CCDC68: variants seen among roughly 807,000 people sequenced by gnomAD.
The protein encoded by CCDC68 is coiled-coil domain-containing protein 68.
CCDC68 carries 45 observed loss-of-function variants against 47.1 expected under a neutral mutation model. That is an observed-to-expected ratio of 0.96 (90% CI 0.75 to 1.23). The LOEUF is 1.23. Among genes scored for constraint, CCDC68 ranks in the 50% most tolerant of loss-of-function variants. The probability of loss-of-function intolerance (pLI) is 0.00; values close to 1 mark genes in which losing one functional copy is unlikely to be tolerated. For synonymous variants in CCDC68, 131 were observed against 129.5 expected (o/e 1.01, Z -0.08); for missense variants, 353 against 373.6 (o/e 0.94, Z 0.45).
chr18:54,935,275 GA>G (rs2044325268), intron 6 of CCDC68, among the ~76,000 whole-genome samples: 1 of 151,794 alleles, frequency 6.6e-6, no homozygotes. Context: ...TTATTATCCA[GA>G]ACAAAAAAAA....
At position 54,921,007 on chromosome 18, in the gene CCDC68, T is replaced by C. The variant is rs927430365; in HGVS notation, c.684-1631A>G. 6.6e-5 allele frequency among the ~76,000 whole-genome samples: 10 copies of C among 152,212 alleles called. 1 individual carries two copies. The highest frequency in any genetic ancestry group is 1.3e-4 in the Non-Finnish European group (9 of 68,026). On this transcript the variant is annotated intron_variant, in intron 8 of 11. Coordinates refer to ENST00000591504, the MANE Select transcript of CCDC68 (RefSeq NM_025214.3). ...GTTATATATACACCATGGAATACTA[T>C]GCAGCCATAAAAAGGAATGAAATTG...
rs1599013151 is a variant in CCDC68 at position 54,903,483 on chromosome 18, C to A, written c.*875G>T. On this transcript the variant is annotated 3_prime_UTR_variant, in exon 12 of 12. Coordinates refer to ENST00000591504, the MANE Select transcript of CCDC68 (RefSeq NM_025214.3). ...TCAGATTCTTTCTGGCTGCAGACAGCAGTCATTATTCCTTTGAGCCTATAA... is the reference window on the plus strand; with the variant it reads ...TCAGATTCTTTCTGGCTGCAGACAGAAGTCATTATTCCTTTGAGCCTATAA... The A allele has an allele frequency of 6.6e-6, 1 of 152,210 alleles. No individual in the cohort carries two copies. The highest frequency in any genetic ancestry group is 2.4e-5 in the African/African-American group (1 of 41,452). 9.4% of individuals were successfully genotyped at this position (152,210 alleles called of 1,614,324 possible).
Position 54,917,962 on chromosome 18 carries a change from T to G in CCDC68, c.824A>C (p.Asp275Ala). 1 of 1,565,700 alleles carries G rather than the reference T, an allele frequency of 6.4e-7. No homozygotes were observed. Among genetic ancestry groups the G allele is most frequent in the Non-Finnish European group, 8.8e-7 (1 of 1,140,400 alleles). The stretch of plus-strand genomic sequence containing the variant: ...TTCTCTGAGATTTTCAATTCTTTTG[T>G]CTTGTTCTTTTAAATTATTTTTTAA... Reference protein sequence around the residue: ...EGLKNNLKEQDKRIENLREKV... With the variant: ...EGLKNNLKEQAKRIENLREKV... The change falls in exon 10 of 12, where the codon GAC (aspartate) becomes GCC (alanine). Residue 275 changes from aspartate (D) to alanine (A), a missense_variant. Transcript: ENST00000591504.
intron 8 of CCDC68, among the ~76,000 whole-genome samples, chr18:54,922,405 G>A (rs1248618374): frequency 6.6e-6 from 1 of 152,164 alleles, no homozygotes; most frequent in African/African-American, 2.4e-5. Context: ...AGTCCGGGGA[G>A]ATTGGGAGTG....
rs577512447 is a variant in CCDC68 at position 54,945,957 on chromosome 18, A to C, written c.-102-480T>G. On this transcript the variant is annotated intron_variant, in intron 1 of 11. Transcript: ENST00000591504. ...AGGGGTCAGCAAACCCCAGCCTGGG[A>C]GCTCAATCCAGTTTCCCTCCTGTTT... 1.2e-3 allele frequency among the ~76,000 whole-genome samples: 182 copies of C among 152,338 alleles called. 2 individuals carry two copies. Among genetic ancestry groups the C allele is most frequent in the Middle Eastern group, 0.01 (3 of 294 alleles).
chr18:54,943,225 G>T (rs562157887), intron 2 of CCDC68, among the ~76,000 whole-genome samples: 1 of 152,132 alleles, frequency 6.6e-6, no homozygotes, highest in African/African-American at 2.4e-5. Flanking sequence ...AGTCTGCAAA[G>T]CCTATTTACT....
chr18:54,942,156 T>C (rs185860387), intron 3 of CCDC68, among the ~76,000 whole-genome samples: 16 of 152,294 alleles, frequency 1.1e-4, no homozygotes, highest in Admixed American at 6.5e-4. Flanking sequence ...GTTAAGAATA[T>C]ATATTTCTGC....
rs190184150 is a variant in CCDC68, at chr18:54,935,068, A to T, written c.472-120T>A. 199 of 706,096 alleles carry T rather than the reference A, an allele frequency of 2.8e-4. 1 individual carries two copies. The African/African-American group carries it at 3.4e-3, about 12-fold the overall frequency. 43.7% of individuals were successfully genotyped at this position (706,096 alleles called of 1,614,324 possible). A position where few individuals can be genotyped will look rare whatever the true frequency, so the allele number is the denominator to read the frequency against. On this transcript the variant is annotated intron_variant, in intron 6 of 11. Transcript: ENST00000591504. ...AAATTCAGAATTCATACTTGTTTAG[A>T]ATTACTCTTTTGATTTCAGTGTTTA...
intron 1 of CCDC68, among the ~76,000 whole-genome samples, chr18:54,946,374 G>C (rs1263620174): frequency 3.3e-5 from 5 of 152,164 alleles, no homozygotes; most frequent in Non-Finnish European, 7.4e-5. Flanking sequence ...AGGAGTGGGG[G>C]CAGGACCAGT....
chr18:54,951,154 C>T (rs965721973), intron 1 of CCDC68, among the ~76,000 whole-genome samples: 1 of 151,358 alleles, frequency 6.6e-6, no homozygotes, highest in African/African-American at 2.4e-5. Flanking sequence ...GTGATCCGCC[C>T]GCCTCGGCCT....
rs150451042 is a variant in CCDC68 at position 54,927,845 on chromosome 18, C to T, written c.683+955G>A. On this transcript the variant is annotated intron_variant, in intron 8 of 11. Coordinates refer to ENST00000591504, the MANE Select transcript of CCDC68 (RefSeq NM_025214.3). Reference sequence around the variant, plus strand: ...ATATGTGGTCCAAAATGCAGGATTACAAGCCAGGCAGAAGGTACAACATAT... The same window carrying T: ...ATATGTGGTCCAAAATGCAGGATTATAAGCCAGGCAGAAGGTACAACATAT... Among the ~76,000 whole-genome samples, 713 of 152,108 alleles carry T rather than the reference C, an allele frequency of 4.7e-3. 9 individuals carry two copies. The highest frequency in any genetic ancestry group is 0.016 in the African/African-American group (675 of 41,474).
chr18:54,904,078 A>T lies in CCDC68; in HGVS notation c.*280T>A. On this transcript the variant is annotated 3_prime_UTR_variant, in exon 12 of 12. Transcript: ENST00000591504. ...GTAGAAAAAAAAATCTGAAAACAAG[A>T]TTCAGATTTTTTTTTTTTTTTAATT... 4.5e-6 allele frequency: 1 copy of T among 224,058 alleles called. No homozygotes were observed. Among genetic ancestry groups the T allele is most frequent in the Non-Finnish European group, 7.5e-6 (1 of 133,802 alleles). 13.9% of individuals were successfully genotyped at this position (224,058 alleles called of 1,614,324 possible). A position where few individuals can be genotyped will look rare whatever the true frequency, so the allele number is the denominator to read the frequency against.
At chr18:54,944,515 ATC>A (rs1279531800) in intron 2 of CCDC68, among the ~76,000 whole-genome samples, 2 of 152,168 alleles carry the variant, frequency 1.3e-5, no homozygotes, top group African/African-American at 2.4e-5. Context: ...AAAATGTTAA[ATC>A]CCTGAATTTA....
chr18:54,918,805 T>C lies in CCDC68; in HGVS notation c.789+466A>G, dbSNP rs553018044. ...GATTTTAAATACACACTCCGCCATC[T>C]AGCTGGCTGTTACCACAATCGCCTC... On this transcript the variant is annotated intron_variant, in intron 9 of 11. Transcript: ENST00000591504. Among the ~76,000 whole-genome samples, 4 of 152,330 alleles carry C rather than the reference T, an allele frequency of 2.6e-5. No individual in the cohort carries two copies. In the East Asian group the frequency reaches 7.7e-4, roughly 29 times the overall value.
intron 1 of CCDC68, 98 bp downstream of exon 1, chr18:54,959,238 G>A (rs915979195): frequency 1.3e-5 from 2 of 152,354 alleles, no homozygotes; most frequent in African/African-American, 4.8e-5. Flanking sequence ...AACTCCACTG[G>A]GGAAGCCGCT....
Position 54,919,374 on chromosome 18 carries a change from C to A in CCDC68, c.686G>T (p.Cys229Phe), listed in dbSNP as rs142312658. 3 of 1,610,774 alleles carry A rather than the reference C, an allele frequency of 1.9e-6. No homozygotes were observed. Among genetic ancestry groups the A allele is most frequent in the Non-Finnish European group, 1.7e-6 (2 of 1,177,088 alleles). The change falls in exon 9 of 12, where the codon TGC becomes TTC. Residue 229 changes from cysteine to phenylalanine, a missense_variant and splice_region_variant. Cys to Phe is a radical substitution (Grantham distance 205). Coordinates refer to ENST00000591504, the MANE Select transcript of CCDC68 (RefSeq NM_025214.3). ...GGAAATCTCCCTCTGAAGATCCTGG[C>A]AACTGGGAATGCAAAGGGAAAAAGA... The part of the protein sequence containing the change: ...LKSSATYGKS[C>F]QDLQREISIL...
intron 10 of CCDC68, among the ~76,000 whole-genome samples, chr18:54,908,818 C>T (rs574760271): frequency 6.6e-6 from 1 of 152,188 alleles, no homozygotes; most frequent in East Asian, 1.9e-4. Context: ...CTAAACCTGC[C>T]TTCCACTCAG....
intron 3 of CCDC68, among the ~76,000 whole-genome samples, chr18:54,941,881 C>T (rs1037787651): frequency 9.2e-5 from 14 of 152,008 alleles, no homozygotes; most frequent in South Asian, 2.1e-4. Flanking sequence ...CTGTAACCTC[C>T]GCCTCCTGGG....
At chr18:54,944,123 T>A (rs2044482532) in intron 2 of CCDC68, among the ~76,000 whole-genome samples, 2 of 152,230 alleles carry the variant, frequency 1.3e-5, no homozygotes, top group South Asian at 4.1e-4. Flanking sequence ...TAATATATAT[T>A]CTACCTTTAT....
Sources: allele counts gnomAD v4.1 joint callset (sites outside exome capture counted in the v4.1 genomes callset), GRCh38; gene constraint gnomAD v4.1.1; transcripts MANE v1.5; gene names NCBI Gene and HGNC (gene_info 2026-07-23, HGNC 2026-07-21).